Variants in LYG2 observed in about 807,000 individuals in gnomAD.
LYG2 encodes lysozyme g-like protein 2.
LYG2 carries 25 observed loss-of-function variants against 22.4 expected under a neutral mutation model. The observed-to-expected ratio is 1.12, with a 90% CI of 0.81 to 1.56. The LOEUF (loss-of-function observed/expected upper bound fraction) is 1.56, where lower values mean the gene tolerates loss of function less well. LYG2 is among the 40% of genes most tolerant of loss of function. The pLI, the probability that LYG2 is intolerant of heterozygous loss-of-function variation, is 0.00. For synonymous variants in LYG2, 88 were observed against 97.0 expected, an observed-to-expected ratio of 0.91 and a Z score of 0.55; for missense variants, 266 against 269.5, an observed-to-expected ratio of 0.99 and a Z score of 0.09.
At chr2:99,247,465 G>A (rs7602637) in intron 3 of LYG2, among the ~76,000 whole-genome samples, 127,026 of 151,070 alleles carry the variant, frequency 0.84, 53,798 homozygotes, top group East Asian at 0.96. Flanking sequence ...AGATTCAGGG[G>A]GTACATGTGC....
At chr2:99,246,997 G>GT (rs2094017153) in intron 3 of LYG2, among the ~76,000 whole-genome samples, 177 bp from the exon 4 acceptor site, 1 of 152,100 alleles carries the variant, frequency 6.6e-6, no homozygotes, top group African/African-American at 2.4e-5. Flanking sequence ...CCGATCTTTT[G>GT]TTTTGTTTTG....
chr2:99,246,167 G>A (rs2094015808), intron 4 of LYG2, among the ~76,000 whole-genome samples: 1 of 152,178 alleles, frequency 6.6e-6, no homozygotes. Context: ...CTAGGAGTTA[G>A]CCAATGCATG....
intron 4 of LYG2, among the ~76,000 whole-genome samples, chr2:99,246,233 C>T (rs910344304): frequency 1.3e-5 from 2 of 152,184 alleles, no homozygotes; most frequent in Non-Finnish European, 2.9e-5. Flanking sequence ...TATTCCCCTC[C>T]TTGCTGAGTC....
upstream of LYG2, among the ~76,000 whole-genome samples, chr2:99,255,927 A>C (rs1384788147): frequency 6.6e-6 from 1 of 152,218 alleles, no homozygotes; most frequent in Non-Finnish European, 1.5e-5. Context: ...GAGAGGAAGC[A>C]TATTGTGCAG....
chr2:99,258,455 G>A (rs1282365055), upstream of LYG2, among the ~76,000 whole-genome samples: 15 of 152,140 alleles, frequency 9.9e-5, no homozygotes. Context: ...CTGAATTATA[G>A]GACAGGAAGT....
chr2:99,250,583 C>T (rs2094024629), intron 3 of LYG2, among the ~76,000 whole-genome samples: 1 of 152,086 alleles, frequency 6.6e-6, no homozygotes, highest in South Asian at 2.1e-4. Flanking sequence ...AGCATGTTAG[C>T]CAGGATGGTC....
upstream of LYG2, among the ~76,000 whole-genome samples, chr2:99,258,652 C>T (rs1187985169): frequency 6.6e-6 from 1 of 152,076 alleles, no homozygotes; most frequent in East Asian, 1.9e-4. Flanking sequence ...GGGGAGCTGC[C>T]CAAGAATATG....
upstream of LYG2, among the ~76,000 whole-genome samples, chr2:99,260,437 A>G (rs2094045210): frequency 6.6e-6 from 1 of 152,232 alleles, no homozygotes; most frequent in Non-Finnish European, 1.5e-5. Context: ...CTCCACAACC[A>G]TTAGCAGTCA....
At chr2:99,246,575 T>G (rs1193113131) in intron 4 of LYG2, 105 bp downstream of exon 4, 18 of 1,315,870 alleles carry the variant, frequency 1.4e-5, no homozygotes, top group Admixed American at 4.6e-5. Flanking sequence ...TTGATACTAT[T>G]GTCATAATGA....
chr2:99,256,526 A>T (rs1424355175), upstream of LYG2, among the ~76,000 whole-genome samples: 1 of 152,198 alleles, frequency 6.6e-6, no homozygotes, highest in Non-Finnish European at 1.5e-5. Context: ...AGAGCCACTT[A>T]CCTGAGGCTT....
At chr2:99,260,346 A>G (rs1262246658), upstream of LYG2, among the ~76,000 whole-genome samples, 2 of 152,184 alleles carry the variant, frequency 1.3e-5, no homozygotes, top group African/African-American at 2.4e-5. Context: ...GTGCAATTCA[A>G]TGGTTTTTAG....
intron 3 of LYG2, among the ~76,000 whole-genome samples, chr2:99,251,100 A>AT (rs1160651990): frequency 6.6e-6 from 1 of 152,214 alleles, no homozygotes; most frequent in Non-Finnish European, 1.5e-5. Flanking sequence ...TTAGTTATGG[A>AT]GAGAGTAAGA....
chr2:99,248,500 A>G (rs530394570), intron 3 of LYG2, among the ~76,000 whole-genome samples: 46 of 150,340 alleles, frequency 3.1e-4, no homozygotes, highest in African/African-American at 1.1e-3. Flanking sequence ...ACCAAACACC[A>G]CATGTTCTCA....
At chr2:99,256,578 A>G (rs1222037711), upstream of LYG2, among the ~76,000 whole-genome samples, 3 of 152,256 alleles carry the variant, frequency 2.0e-5, no homozygotes, top group Non-Finnish European at 2.9e-5. Flanking sequence ...AGGGAGATTA[A>G]GAAGTTACGA....
intron 3 of LYG2, among the ~76,000 whole-genome samples, chr2:99,253,941 T>A (rs2094031490): frequency 2.0e-5 from 3 of 152,180 alleles, no homozygotes; most frequent in Non-Finnish European, 2.9e-5. Flanking sequence ...TACCTCTCGG[T>A]AAGGTATCCA....
chr2:99,243,535 T>TAGAC, intron 6 of LYG2: 1 of 1,527,268 alleles, frequency 6.5e-7, no homozygotes, highest in Non-Finnish European at 8.8e-7. Flanking sequence ...GATAGATAGA[T>TAGAC]AGATAAATTT....
At chr2:99,248,885 A>T (rs1024000825) in intron 3 of LYG2, among the ~76,000 whole-genome samples, 1 of 152,154 alleles carries the variant, frequency 6.6e-6, no homozygotes, top group Non-Finnish European at 1.5e-5. Flanking sequence ...TTGAGTTCCT[A>T]TGTATATTTA....
At chr2:99,243,906 C>A (rs750414451) in intron 6 of LYG2, 93 bp downstream of exon 6, 9 of 1,472,990 alleles carry the variant, frequency 6.1e-6, no homozygotes, top group Non-Finnish European at 8.5e-6. Flanking sequence ...CTGCTGACCC[C>A]GTGGAAATGC....
Position 99,244,211 on chromosome 2 carries a change from C to T in LYG2, c.382-74G>A, listed in dbSNP as rs569908289. ...TTTTCTGCCATTCCTAATTTCCTCT[C>T]CTGGTATTCAAGTCATAGATACCGG... On this transcript the variant is annotated intron_variant, in intron 5 of 6. Transcript: ENST00000333017. 5 of 1,487,060 alleles carry T rather than the reference C, an allele frequency of 3.4e-6. No individual in the cohort carries two copies. The African/African-American group carries it at 5.6e-5, about 17-fold the overall frequency. 92.1% of individuals were successfully genotyped at this position (1,487,060 alleles called of 1,614,324 possible). A position where few individuals can be genotyped will look rare whatever the true frequency, so the allele number is the denominator to read the frequency against.
Sources: allele counts gnomAD v4.1 joint callset (sites outside exome capture counted in the v4.1 genomes callset), GRCh38; gene constraint gnomAD v4.1.1; transcripts MANE v1.5; gene names NCBI Gene and HGNC (gene_info 2026-07-23, HGNC 2026-07-21).